SMIM13: variants seen among roughly 807,000 people sequenced by gnomAD.
SMIM13 encodes UPF0766 protein C6orf228.
In SMIM13, 3 loss-of-function variants were observed where a neutral mutation model predicts 5.9. That is an observed-to-expected ratio of 0.51 (90% confidence interval 0.23 to 1.31). The LOEUF (loss-of-function observed/expected upper bound fraction) is 1.31, where lower values mean the gene tolerates loss of function less well. Among genes scored for constraint, SMIM13 ranks in the 40% most tolerant of loss-of-function variants. The pLI is 0.18. For synonymous variants in SMIM13, 55 were observed against 46.0 expected (o/e 1.19, Z -0.79); for missense variants, 85 against 109.9 (o/e 0.77, Z 1.01).
intron 1 of SMIM13, among the ~76,000 whole-genome samples, chr6:11,123,297 TCTC>T (rs1274287987): frequency 6.6e-6 from 1 of 152,188 alleles, no homozygotes; most frequent in Admixed American, 6.5e-5. Context: ...ACGAGAACCT[TCTC>T]CTAGTGCTTG....
intron 1 of SMIM13, among the ~76,000 whole-genome samples, chr6:11,125,895 A>G (rs1758370849): frequency 6.6e-6 from 1 of 152,010 alleles, no homozygotes; most frequent in East Asian, 1.9e-4. Flanking sequence ...ATTCTCTGTT[A>G]TCTCTTTAAA....
chr6:11,119,695 A>G (rs72825133), intron 1 of SMIM13, among the ~76,000 whole-genome samples: 3,075 of 152,208 alleles, frequency 0.02, 46 homozygotes, highest in South Asian at 0.049. Flanking sequence ...TATAATAACG[A>G]TGATATTTGG....
At chr6:11,094,525 C>T (rs1353264710) in intron 1 of SMIM13, 136 bp downstream of exon 1, 8 of 704,424 alleles carry the variant, frequency 1.1e-5, no homozygotes, top group Non-Finnish European at 1.8e-5. Flanking sequence ...ACTGTTGTCC[C>T]TTAGCCTCTA....
chr6:11,115,217 A>G (rs1758221557), intron 1 of SMIM13, among the ~76,000 whole-genome samples: 2 of 152,206 alleles, frequency 1.3e-5, no homozygotes, highest in Non-Finnish European at 2.9e-5. Context: ...CTATTGCTGC[A>G]TAACAAATTC....
At chr6:11,113,053 A>T (rs1229700787) in intron 1 of SMIM13, among the ~76,000 whole-genome samples, 1 of 151,960 alleles carries the variant, frequency 6.6e-6, no homozygotes, top group East Asian at 1.9e-4. Flanking sequence ...CTGGTTTCGA[A>T]CTCCTGACCT....
At chr6:11,116,700 T>A (rs922060028) in intron 1 of SMIM13, among the ~76,000 whole-genome samples, 1 of 152,186 alleles carries the variant, frequency 6.6e-6, no homozygotes, top group African/African-American at 2.4e-5. Context: ...TGATATTGAT[T>A]ATTTGTGTCC....
Position 11,124,680 on chromosome 6 carries a change from G to A in SMIM13, c.77-9723G>A, listed in dbSNP as rs150650441. Among the ~76,000 whole-genome samples the A allele has an allele frequency of 1.7e-3, 254 of 152,236 alleles. 1 individual carries two copies. The highest frequency in any genetic ancestry group is 6.8e-3 in the Middle Eastern group (2 of 294). ...TTTCTCCACATTCTCACCAGCAATC[G>A]TTATTGTCTATCCTTTGGATAAAAG... On this transcript the variant is annotated intron_variant, in intron 1 of 1. Coordinates refer to ENST00000416247, the MANE Select transcript of SMIM13 (RefSeq NM_001135575.2).
Position 11,094,268 on chromosome 6 carries a change from C to T in SMIM13, c.-46C>T. 4 of 1,264,380 alleles carry T rather than the reference C, an allele frequency of 3.2e-6. No homozygotes were observed. The highest frequency in any genetic ancestry group is 4.1e-6 in the Non-Finnish European group (4 of 973,652). 78.3% of individuals were successfully genotyped at this position (1,264,380 alleles called of 1,614,324 possible). On this transcript the variant is annotated 5_prime_UTR_variant, in exon 1 of 2. Transcript: ENST00000416247. ...GACGCGCCGCCGCCCGCGCTCACCGCCGTCCGCGCCAGCCGCCCCGAGCCG... is the reference window on the plus strand; with the variant it reads ...GACGCGCCGCCGCCCGCGCTCACCGTCGTCCGCGCCAGCCGCCCCGAGCCG...
chr6:11,101,685 T>A (rs6910061), intron 1 of SMIM13, among the ~76,000 whole-genome samples: 33,492 of 151,840 alleles, frequency 0.22, 4,123 homozygotes, highest in African/African-American at 0.33. Flanking sequence ...ACTGGTCTTA[T>A]ACTGGTGACA....
At chr6:11,117,408 C>T (rs1033003991) in intron 1 of SMIM13, among the ~76,000 whole-genome samples, 4 of 150,954 alleles carry the variant, frequency 2.6e-5, no homozygotes, top group African/African-American at 9.7e-5. Context: ...ATCTCTTGAC[C>T]TCGTGATCCG....
intron 1 of SMIM13, among the ~76,000 whole-genome samples, chr6:11,105,924 G>A (rs115694876): frequency 9.3e-4 from 142 of 152,270 alleles, no homozygotes; most frequent in African/African-American, 3.3e-3. Context: ...TTAATTGCAA[G>A]GGAGCCTTAG....
rs1446063261 is a variant in SMIM13 at position 11,138,214 on chromosome 6, G to A, written c.*3612G>A. 1 of 152,174 alleles carries A rather than the reference G, an allele frequency of 6.6e-6. No individual in the cohort carries two copies. Among genetic ancestry groups the A allele is most frequent in the Non-Finnish European group, 1.5e-5 (1 of 68,022 alleles). 9.4% of individuals were successfully genotyped at this position (152,174 alleles called of 1,614,324 possible). A position where few individuals can be genotyped will look rare whatever the true frequency, so the allele number is the denominator to read the frequency against. On this transcript the variant is annotated 3_prime_UTR_variant, in exon 2 of 2. Transcript: ENST00000416247. ...AAAAAGCCATTGAGCAGTCCTCAGA[G>A]GTTATGGACTCTCAAGCGACTAATG...
At chr6:11,129,492 A>G (rs1033521315) in intron 1 of SMIM13, among the ~76,000 whole-genome samples, 3 of 152,236 alleles carry the variant, frequency 2.0e-5, no homozygotes, top group African/African-American at 7.2e-5. Flanking sequence ...AAACATGAGC[A>G]TGTATGCAGA....
intron 1 of SMIM13, chr6:11,103,637 A>T (rs759508428): frequency 1.3e-5 from 20 of 1,482,218 alleles, no homozygotes; most frequent in Non-Finnish European, 1.7e-5. Flanking sequence ...TCCACGGGAG[A>T]CGGGGCAGGA....
chr6:11,104,943 G>C, intron 1 of SMIM13: 1 of 1,614,184 alleles, frequency 6.2e-7, no homozygotes, highest in Non-Finnish European at 8.5e-7. Context: ...ACAAATAGGG[G>C]CTATTCCCAT....
At chr6:11,128,150 T>C (rs1758402157) in intron 1 of SMIM13, among the ~76,000 whole-genome samples, 1 of 152,228 alleles carries the variant, frequency 6.6e-6, no homozygotes, top group Non-Finnish European at 1.5e-5. Context: ...AACATGGCTC[T>C]GAGTCTCACT....
intron 1 of SMIM13, among the ~76,000 whole-genome samples, chr6:11,123,097 G>A (rs756737521): frequency 1.8e-4 from 27 of 152,224 alleles, no homozygotes; most frequent in Admixed American, 5.9e-4. Flanking sequence ...CTATATCCAT[G>A]TTCACTGTAC....
At chr6:11,094,498 C>G in intron 1 of SMIM13, 109 bp downstream of exon 1, 1 of 855,328 alleles carries the variant, frequency 1.2e-6, no homozygotes, top group Non-Finnish European at 1.8e-6. Context: ...CGTGGACGGA[C>G]AATTGTCTTA....
intron 1 of SMIM13, among the ~76,000 whole-genome samples, chr6:11,113,526 T>C (rs1758197479): frequency 6.6e-6 from 1 of 152,192 alleles, no homozygotes. Flanking sequence ...TTTTGTTTGT[T>C]TTTATCAGAT....
Sources: gnomAD v4.1 joint callset for allele counts (sites outside exome capture counted in the v4.1 genomes callset) on GRCh38, gnomAD v4.1.1 for gene constraint, MANE v1.5 for transcripts, NCBI Gene and HGNC (gene_info 2026-07-23, HGNC 2026-07-21) for gene names.